HERC4: variants seen among roughly 807,000 people sequenced by gnomAD.
HERC4 encodes HECT and RLD domain containing E3 ubiquitin protein ligase 4, also known as probable E3 ubiquitin-protein ligase HERC4.
In HERC4, 28 loss-of-function variants were observed where a neutral mutation model predicts 124.3. The observed-to-expected ratio is 0.23, with a 90% confidence interval of 0.17 to 0.31. The LOEUF (loss-of-function observed/expected upper bound fraction) is 0.31. Among genes scored for constraint, HERC4 ranks in the 10% least tolerant of loss-of-function variants. The pLI is 1.00. For synonymous variants in HERC4, 407 were observed against 421.5 expected (o/e 0.97, Z 0.42); for missense variants, 713 against 1,229.3 (o/e 0.58, Z 6.28).
intron 9 of HERC4, chr10:68,010,296 C>T (rs771646617): frequency 3.4e-5 from 33 of 979,974 alleles, no homozygotes; most frequent in Middle Eastern, 6.4e-4. Context: ...ATGAGGGCTC[C>T]CATAGCCTGG....
chr10:68,061,738 G>A (rs956552847), intron 3 of HERC4, among the ~76,000 whole-genome samples: 4 of 150,770 alleles, frequency 2.7e-5, no homozygotes, highest in Non-Finnish European at 3.0e-5. Flanking sequence ...AAAATTAGCC[G>A]GGCATGGTGG....
In HERC4 at chr10:68,044,414, T is replaced by G; in HGVS notation, c.376A>C (p.Arg126=). Residue 126 remains arginine (R), a synonymous_variant, in exon 4 of 25, where the codon AGA becomes CGA. Coordinates refer to ENST00000373700, the MANE Select transcript of HERC4 (RefSeq NM_015601.4). The part of the protein sequence containing the change: ...LGLVGSEECI[R]VPRNIKSLSD... ...GGTCACCTTTGTTACCTGGGTACTC[T>G]GATGCATTCCTCTGATCCTACCAGG... 4.3e-6 allele frequency: 7 copies of G among 1,612,414 alleles called. No individual in the cohort carries two copies. The highest frequency in any genetic ancestry group is 5.9e-6 in the Non-Finnish European group (7 of 1,179,566).
At chr10:67,980,226 G>A (rs566132032) in intron 15 of HERC4, among the ~76,000 whole-genome samples, 3 of 152,166 alleles carry the variant, frequency 2.0e-5, no homozygotes, top group South Asian at 2.1e-4. Context: ...AAAACAGCAC[G>A]GTACTGGCAT....
chr10:67,942,003 G>C (rs946241626), intron 19 of HERC4, among the ~76,000 whole-genome samples: 11 of 152,086 alleles, frequency 7.2e-5, no homozygotes, highest in African/African-American at 2.7e-4. Context: ...AAAGTACAAT[G>C]AGTTGCTAAA....
chr10:67,937,951 G>C (rs780127580), intron 21 of HERC4, among the ~76,000 whole-genome samples: 7 of 151,524 alleles, frequency 4.6e-5, no homozygotes, highest in Admixed American at 6.6e-5. Flanking sequence ...AAAAGTGCTG[G>C]GATTACAGAC....
intron 15 of HERC4, among the ~76,000 whole-genome samples, chr10:67,981,588 T>C (rs901654523): frequency 2.6e-5 from 4 of 152,224 alleles, no homozygotes; most frequent in Non-Finnish European, 4.4e-5. Flanking sequence ...ATAAACATTG[T>C]TCTCCTTAGC....
intron 3 of HERC4, among the ~76,000 whole-genome samples, chr10:68,048,503 A>G (rs2040127902): frequency 1.3e-5 from 2 of 152,206 alleles, no homozygotes; most frequent in Admixed American, 6.5e-5. Flanking sequence ...CAGGGGATAC[A>G]GGGAGGGAGG....
chr10:68,029,641 T>C (rs946031735), intron 7 of HERC4, among the ~76,000 whole-genome samples: 34 of 150,314 alleles, frequency 2.3e-4, no homozygotes, highest in African/African-American at 7.8e-4. Flanking sequence ...ACTAACTTGT[T>C]AGTTTTCAAT....
intron 9 of HERC4, 102 bp downstream of exon 9, chr10:68,013,924 A>G: frequency 1.0e-6 from 1 of 998,068 alleles, no homozygotes; most frequent in African/African-American, 1.6e-5. Context: ...TCACTTAACA[A>G]TGTATCTTGG....
At chr10:68,044,071 T>C (rs377472946) in intron 4 of HERC4, among the ~76,000 whole-genome samples, 1 of 152,080 alleles carries the variant, frequency 6.6e-6, no homozygotes, top group Non-Finnish European at 1.5e-5. Flanking sequence ...CAATATTTAA[T>C]AAATATTTCA....
Position 67,945,594 on chromosome 10 carries a change from G to C in HERC4, c.2338-4489C>G, listed in dbSNP as rs183004760. ...GTGGTGTATAAACTACCCATATCTT[G>C]AGTATAAAGACTAAAACATGAACCA... On this transcript the variant is annotated intron_variant, in intron 19 of 24. Coordinates refer to ENST00000373700, the MANE Select transcript of HERC4 (RefSeq NM_015601.4). 2.7e-5 allele frequency among the ~76,000 whole-genome samples: 4 copies of C among 147,788 alleles called. No homozygotes were observed. The Admixed American group carries it at 2.8e-4, about 10-fold the overall frequency.
intron 3 of HERC4, chr10:68,069,353 A>C (rs2041455843): frequency 3.0e-6 from 3 of 984,764 alleles, no homozygotes; most frequent in Admixed American, 6.1e-5. Context: ...ATGAAAGTGA[A>C]ACAGACATTC....
chr10:68,054,061 G>C (rs991999058), intron 3 of HERC4, among the ~76,000 whole-genome samples: 2 of 152,094 alleles, frequency 1.3e-5, no homozygotes, highest in Non-Finnish European at 2.9e-5. Flanking sequence ...CTCATTAGTT[G>C]TTAAAAATAC....
chr10:68,005,618 C>T (rs981321157), intron 9 of HERC4, among the ~76,000 whole-genome samples: 2 of 151,178 alleles, frequency 1.3e-5, no homozygotes, highest in Non-Finnish European at 2.9e-5. Flanking sequence ...TCTTTCCTTC[C>T]TTCCTATCTT....
chr10:68,013,968 C>T, intron 9 of HERC4, 58 bp downstream of exon 9: 1 of 1,371,684 alleles, frequency 7.3e-7, no homozygotes, highest in East Asian at 2.4e-5. Flanking sequence ...GATTTAAGAG[C>T]AACATTTTAA....
chr10:68,039,786 T>C, intron 4 of HERC4: 1 of 1,164,244 alleles, frequency 8.6e-7, no homozygotes, highest in Non-Finnish European at 1.1e-6. Context: ...AAACATTTAC[T>C]GTTATTGTTT....
intron 6 of HERC4, among the ~76,000 whole-genome samples, chr10:68,033,561 CCCAA>C (rs1480383801): frequency 2.0e-5 from 3 of 152,190 alleles, no homozygotes; most frequent in South Asian, 4.2e-4. Context: ...AAAAGTGAAG[CCCAA>C]CCAAAGATTA....
intron 16 of HERC4, chr10:67,960,892 G>T (rs1482455348): frequency 3.3e-6 from 1 of 303,062 alleles, no homozygotes. Flanking sequence ...AGACTGGCAA[G>T]CCTTTTCTTT....
chr10:67,929,766 C>G (rs910909108), intron 23 of HERC4, among the ~76,000 whole-genome samples: 1 of 152,030 alleles, frequency 6.6e-6, no homozygotes, highest in Admixed American at 6.5e-5. Context: ...CTGCCAACCT[C>G]AGCCTCCCAA....
Sources: allele counts gnomAD v4.1 joint callset (sites outside exome capture counted in the v4.1 genomes callset), GRCh38; gene constraint gnomAD v4.1.1; transcripts MANE v1.5; gene names NCBI Gene and HGNC (gene_info 2026-07-23, HGNC 2026-07-21).